KCP: variants seen among roughly 807,000 people sequenced by gnomAD.
The protein encoded by KCP is kielin/chordin-like protein.
KCP carries 194 observed loss-of-function variants against 212.7 expected under a neutral mutation model. The observed-to-expected ratio is 0.91, with a 90% CI of 0.81 to 1.03. KCP has a LOEUF of 1.03. KCP is among the 50% of genes least tolerant of loss of function. The pLI is 0.00. For missense variants in KCP, 2,080 were observed against 2,162.5 expected, an observed-to-expected ratio of 0.96 and a Z score of 0.76; for synonymous variants, 833 against 865.3, an observed-to-expected ratio of 0.96 and a Z score of 0.65.
chr7:128,888,362 CCAAA>C lies in KCP; in HGVS notation c.2512+497_2512+500del, dbSNP rs1277364032. 2.7e-4 allele frequency among the ~76,000 whole-genome samples: 26 copies of C among 96,724 alleles called. No individual in the cohort carries two copies. The East Asian group carries it at 3.9e-3, about 15-fold the overall frequency. 63.5% of individuals were successfully genotyped at this position (96,724 alleles called of 152,430 possible). The stretch of plus-strand genomic sequence containing the variant: ...CACACACACACATACACAGATACAC[CCAAA>C]CACACAGGCCAACACACACAGCCAC... On this transcript the variant is annotated intron_variant, in intron 22 of 39. Transcript: ENST00000610776.
At chr7:128,902,648 C>T (rs1166852085) in intron 8 of KCP, 129 bp downstream of exon 8, 2 of 827,378 alleles carry the variant, frequency 2.4e-6, no homozygotes, top group Non-Finnish European at 3.9e-6. Flanking sequence ...CCCCAGCAGA[C>T]AGCGCCTAGG....
chr7:128,884,262 G>C (rs1793509033), intron 28 of KCP, 140 bp from the exon 29 acceptor site: 2 of 1,040,750 alleles, frequency 1.9e-6, no homozygotes, highest in South Asian at 1.6e-5. Flanking sequence ...AGGCTGAAGA[G>C]AGACTCAGTG....
At chr7:128,887,686 CACACATAT>C (rs1204510276) in intron 22 of KCP, among the ~76,000 whole-genome samples, 2 of 150,080 alleles carry the variant, frequency 1.3e-5, no homozygotes, top group Non-Finnish European at 3.0e-5. Context: ...CACACACATA[CACACATAT>C]ACCCATATAC....
At chr7:128,905,543 C>T (rs901531104) in intron 5 of KCP, among the ~76,000 whole-genome samples, 2 of 152,220 alleles carry the variant, frequency 1.3e-5, no homozygotes, top group African/African-American at 4.8e-5. Flanking sequence ...CTTTCTCCAG[C>T]CCACTGCCAT....
In KCP at chr7:128,884,037, G is replaced by A. The variant is rs749715603; in HGVS notation, c.3209C>T (p.Pro1070Leu). The A allele has an allele frequency of 1.9e-6, 3 of 1,547,102 alleles. No individual in the cohort carries two copies. The highest frequency in any genetic ancestry group is 2.5e-5 in the East Asian group (1 of 40,696). Residue 1070 changes from proline to leucine, a missense_variant, in exon 29 of 40, where the codon CCC becomes CTC. Physicochemically the swap from Pro to Leu is moderately conservative, Grantham distance 98. Transcript: ENST00000610776. ...GGGACAGCAGTGCTGGGGCCCAGGG[G>A]GCAGGAGCTGGCTGGGGGGGCAGCC... The part of the protein sequence containing the change: ...LVGCPPSQLL[P>L]PGPQHCCPTC...
At chr7:128,908,283 A>AAAGAAAGAAAGAAAGAAAGG (rs1795255868) in intron 2 of KCP, 143 bp downstream of exon 2, 1 of 563,658 alleles carries the variant, frequency 1.8e-6, no homozygotes, top group Non-Finnish European at 2.6e-6. Context: ...AGAAAGAAAG[A>AAAGAAAGAAAGAAAGAAAGG]AAGAAAGAAA....
At chr7:128,890,593 T>G (rs1794037161) in intron 20 of KCP, 80 bp from the exon 21 acceptor site, 2 of 668,292 alleles carry the variant, frequency 3.0e-6, no homozygotes, top group Admixed American at 7.2e-5. Context: ...TTGAGGGGCG[T>G]GGAGGACGGG....
At chr7:128,894,632 G>A (rs370907712) in intron 8 of KCP, among the ~76,000 whole-genome samples, 1 of 152,216 alleles carries the variant, frequency 6.6e-6, no homozygotes, top group East Asian at 1.9e-4. Context: ...TTGAGATGGA[G>A]TTTTGCTCTT....
chr7:128,880,646 C>CG lies in KCP; in HGVS notation c.3588_3589insC (p.Ala1197ArgfsTer2). Reference sequence around the variant, plus strand: ...TGGCATCGCTCACAGCAGCTGTCAGCCTGGGGCACCTTCGCCCAGCCATGG... The same window carrying CG: ...TGGCATCGCTCACAGCAGCTGTCAGCGCTGGGGCACCTTCGCCCAGCCATGG... On this transcript the variant is annotated frameshift_variant, in exon 33 of 40. Coordinates refer to ENST00000610776, the MANE Select transcript of KCP (RefSeq NM_001366122.1). LOFTEE classifies it high-confidence loss of function. 1 of 937,038 alleles carries CG rather than the reference C, an allele frequency of 1.1e-6. No individual in the cohort carries two copies. The highest frequency in any genetic ancestry group is 1.5e-6 in the Non-Finnish European group (1 of 684,770). 58.0% of individuals were successfully genotyped at this position (937,038 alleles called of 1,614,324 possible).
intron 38 of KCP, 92 bp downstream of exon 38, chr7:128,878,466 C>T: frequency 4.4e-6 from 6 of 1,373,706 alleles, no homozygotes; most frequent in Non-Finnish European, 5.9e-6. Flanking sequence ...ACTTCGCCCC[C>T]CTTCCCTGCT....
In KCP at chr7:128,880,602, T is replaced by C. The variant is rs1013291351; in HGVS notation, c.3616+17A>G. ...GAAGGTCTGGCTTACCCCTCCCCCA[T>C]CACCCTGGCTGCGCACCTTGGCATC... On this transcript the variant is annotated intron_variant, in intron 33 of 39. Transcript: ENST00000610776. The C allele has an allele frequency of 7.0e-6, 9 of 1,288,548 alleles. No homozygotes were observed. The highest frequency in any genetic ancestry group is 4.2e-5 in the South Asian group (2 of 47,074). 79.8% of individuals were successfully genotyped at this position (1,288,548 alleles called of 1,614,324 possible). A position where few individuals can be genotyped will look rare whatever the true frequency, so the allele number is the denominator to read the frequency against.
At chr7:128,881,275 T>G (rs1426371275) in intron 31 of KCP, among the ~76,000 whole-genome samples, 190 bp from the exon 32 acceptor site, 1 of 152,162 alleles carries the variant, frequency 6.6e-6, no homozygotes, top group Non-Finnish European at 1.5e-5. Context: ...GCTCAGGATG[T>G]CTCTAGGGTC....
At chr7:128,897,893 T>C (rs1394390261) in intron 8 of KCP, among the ~76,000 whole-genome samples, 1 of 152,198 alleles carries the variant, frequency 6.6e-6, no homozygotes, top group Non-Finnish European at 1.5e-5. Flanking sequence ...ACTGGTTGTT[T>C]AAAAAGAGGA....
intron 7 of KCP, 144 bp from the exon 8 acceptor site, chr7:128,903,003 T>C (rs1794941625): frequency 1.5e-6 from 1 of 659,092 alleles, no homozygotes; most frequent in South Asian, 1.8e-5. Flanking sequence ...TCTGCCTAGA[T>C]TCCCCAGTGG....
At chr7:128,889,178 A>T in intron 21 of KCP, 139 bp from the exon 22 acceptor site, 1 of 238,914 alleles carries the variant, frequency 4.2e-6, no homozygotes, top group Non-Finnish European at 7.1e-6. Context: ...TCACAGGCCA[A>T]GCCCAGGGGG....
In KCP at chr7:128,903,726, C is replaced by A. The variant is rs1447054073; in HGVS notation, c.748+1G>T. On this transcript the variant is annotated splice_donor_variant, in intron 7 of 39. Transcript: ENST00000610776. LOFTEE classifies it high-confidence loss of function. ...ACCAGGGAGGGGCCAGGGGCTCTCA[C>A]CTTGGCAGGTTGGGCAGCAGTGCCC... The A allele has an allele frequency of 6.5e-7, 1 of 1,548,210 alleles. No homozygotes were observed. Among genetic ancestry groups the A allele is most frequent in the South Asian group, 1.2e-5 (1 of 83,560 alleles).
chr7:128,877,467 G>T lies in KCP; in HGVS notation c.4618+17C>A. The T allele has an allele frequency of 6.5e-7, 1 of 1,550,040 alleles. No individual in the cohort carries two copies. Among genetic ancestry groups the T allele is most frequent in the Non-Finnish European group, 8.7e-7 (1 of 1,146,380 alleles). On this transcript the variant is annotated intron_variant, in intron 39 of 39. Coordinates refer to ENST00000610776, the MANE Select transcript of KCP (RefSeq NM_001366122.1). ...TGCTGAGCCTCCCCCAACCTGCAGC[G>T]GGCATCACCCCCTCACCACACAGCG...
Position 128,877,157 on chromosome 7 carries a change from C to T in KCP, c.4773G>A (p.Val1591=). The T allele has an allele frequency of 1.3e-6, 2 of 1,499,408 alleles. No individual in the cohort carries two copies. The highest frequency in any genetic ancestry group is 1.8e-6 in the Non-Finnish European group (2 of 1,125,316). 92.9% of individuals were successfully genotyped at this position (1,499,408 alleles called of 1,614,324 possible). The change falls in exon 40 of 40, where the codon GTG becomes GTA. Residue 1591 remains valine (V), a synonymous_variant. Transcript: ENST00000610776. ...GTGGGATGCAGTGGGCCTCATGCTC[C>T]ACCAGGCCTGCAGGGCACTGGCAGC... ...VPGCQCPAGL[V]EHEAHCIPPE... is the part of the protein sequence containing the mutation.
chr7:128,905,777 C>T (rs1324806451), intron 5 of KCP, among the ~76,000 whole-genome samples: 1 of 152,100 alleles, frequency 6.6e-6, no homozygotes, highest in Non-Finnish European at 1.5e-5. Flanking sequence ...CCACCTCTCT[C>T]CACCCTGTCC....
Sources: gnomAD v4.1 joint callset for allele counts (sites outside exome capture counted in the v4.1 genomes callset) on GRCh38, gnomAD v4.1.1 for gene constraint, MANE v1.5 for transcripts, NCBI Gene and HGNC (gene_info 2026-07-23, HGNC 2026-07-21) for gene names.